Variants in PSD2 observed in about 807,000 individuals in gnomAD.
The protein encoded by PSD2 is PH and SEC7 domain-containing protein 2.
Under a neutral mutation model 69.8 loss-of-function variants are expected in PSD2, and 38 were observed. The ratio of observed to expected loss-of-function variants is 0.54; its 90% CI spans 0.42 to 0.71. The LOEUF (loss-of-function observed/expected upper bound fraction) is 0.71. Ranked by LOEUF, PSD2 falls within the 30% of genes least tolerant of loss-of-function variation. PSD2 has a pLI of 0.00. For synonymous variants in PSD2, 412 were observed against 423.0 expected (o/e 0.97, Z 0.32); for missense variants, 943 against 1,014.5 (o/e 0.93, Z 0.96).
chr5:139,822,623 G>C, intron 6 of PSD2, 103 bp from the exon 7 acceptor site: 1 of 1,017,248 alleles, frequency 9.8e-7, no homozygotes, highest in Non-Finnish European at 1.4e-6. Flanking sequence ...GCAGGCGGCC[G>C]GCCTCCCTCT....
chr5:139,779,501 C>T, the PSD2 span, among the ~76,000 whole-genome samples: 2 of 152,264 alleles, frequency 1.3e-5, no homozygotes, highest in East Asian at 1.9e-4. Flanking sequence ...AACACTTCAA[C>T]ATGTTTATCA....
At chr5:139,743,829 TGG>T in the PSD2 span, 1 of 152,264 alleles carries the variant, frequency 6.6e-6, no homozygotes, top group African/African-American at 2.4e-5. Context: ...AGCCCCAGGA[TGG>T]GATAGCCACA....
chr5:139,746,881 G>A, the PSD2 span, among the ~76,000 whole-genome samples: 1 of 152,170 alleles, frequency 6.6e-6, no homozygotes, highest in African/African-American at 2.4e-5. This position sits in a 1 kb window ranked among gnomAD's most constrained non-coding sequence, Gnocchi z 4.5. Flanking sequence ...CCTGGTGGTG[G>A]GTGCAGGAGT....
the PSD2 span, among the ~76,000 whole-genome samples, chr5:139,766,592 T>A: frequency 6.6e-5 from 10 of 152,172 alleles, no homozygotes; most frequent in South Asian, 2.1e-4. Context: ...CCCTCCATGG[T>A]TAGATCTGTG....
At chr5:139,787,031 C>T in the PSD2 span, among the ~76,000 whole-genome samples, 2 of 152,110 alleles carry the variant, frequency 1.3e-5, no homozygotes, top group African/African-American at 2.4e-5. Context: ...GCATCCGAAC[C>T]GGGGAGTGAG....
the PSD2 span, among the ~76,000 whole-genome samples, chr5:139,787,057 G>T: frequency 6.6e-6 from 1 of 152,190 alleles, no homozygotes; most frequent in Admixed American, 6.5e-5. Context: ...ACGGGTTGGG[G>T]CCTGGGGGGT....
At chr5:139,838,965 A>G (rs1253104370) in intron 13 of PSD2, among the ~76,000 whole-genome samples, 193 bp downstream of exon 13, 1 of 152,146 alleles carries the variant, frequency 6.6e-6, no homozygotes, top group African/African-American at 2.4e-5. Context: ...GGCATGGCAC[A>G]CAGGGGCCAC....
At chr5:139,762,561 C>T in the PSD2 span, among the ~76,000 whole-genome samples, 14 of 152,316 alleles carry the variant, frequency 9.2e-5, no homozygotes, top group African/African-American at 2.4e-4. Flanking sequence ...CCATGCTGAG[C>T]GCTCAATAAT....
At chr5:139,744,986 T>C in the PSD2 span, 1 of 152,534 alleles carries the variant, frequency 6.6e-6, no homozygotes, top group Non-Finnish European at 1.5e-5. Flanking sequence ...CACAGCAAGT[T>C]TGGTTCATTA....
chr5:139,790,866 C>T (rs1281573623), upstream of PSD2, among the ~76,000 whole-genome samples: 1 of 151,968 alleles, frequency 6.6e-6, no homozygotes, highest in African/African-American at 2.4e-5. Context: ...TGATGAAACC[C>T]TGTCTCTACT....
chr5:139,756,228 GC>G, the PSD2 span, among the ~76,000 whole-genome samples: 3 of 152,024 alleles, frequency 2.0e-5, no homozygotes, highest in African/African-American at 7.2e-5. Context: ...CTGCCGCTGC[GC>G]CCCCCCTTTC....
intron 1 of PSD2, among the ~76,000 whole-genome samples, chr5:139,802,863 A>G (rs1289224793): frequency 6.6e-6 from 1 of 152,178 alleles, no homozygotes; most frequent in Non-Finnish European, 1.5e-5. Context: ...GCAAGCTCCA[A>G]GGGCCCCTGA....
At chr5:139,805,823 A>T (rs1759791558) in intron 1 of PSD2, among the ~76,000 whole-genome samples, 1 of 152,228 alleles carries the variant, frequency 6.6e-6, no homozygotes, top group South Asian at 2.1e-4. Context: ...AGAGGGCAGC[A>T]GAACCAGCTC....
the PSD2 span, among the ~76,000 whole-genome samples, chr5:139,789,312 G>A: frequency 1.1e-4 from 17 of 152,222 alleles, no homozygotes; most frequent in African/African-American, 3.9e-4. Flanking sequence ...GACATGTGCT[G>A]TGATAGAGGC....
At chr5:139,820,959 A>G (rs891130449) in intron 5 of PSD2, among the ~76,000 whole-genome samples, 1 of 151,316 alleles carries the variant, frequency 6.6e-6, no homozygotes, top group African/African-American at 2.4e-5. Context: ...TTGAGATGGA[A>G]TCTTCTTCTG....
intron 1 of PSD2, among the ~76,000 whole-genome samples, chr5:139,799,367 G>A (rs891094829): frequency 5.3e-5 from 8 of 152,166 alleles, no homozygotes; most frequent in Non-Finnish European, 1.2e-4. Context: ...GTTGGGAGTG[G>A]GGGAGCCACA....
chr5:139,743,770 C>A, the PSD2 span: 1 of 152,430 alleles, frequency 6.6e-6, no homozygotes, highest in Middle Eastern at 3.4e-3. Flanking sequence ...TGCATTGGGA[C>A]CATACTGCTG....
At chr5:139,766,942 T>TC in the PSD2 span, among the ~76,000 whole-genome samples, 1 of 115,952 alleles carries the variant, frequency 8.6e-6, no homozygotes, top group Non-Finnish European at 1.8e-5. Flanking sequence ...TCTTTCTTTC[T>TC]TTCTTTCTTT....
At chr5:139,836,731 G>C in intron 9 of PSD2, 80 bp from the exon 10 acceptor site, 1 of 1,298,312 alleles carries the variant, frequency 7.7e-7, no homozygotes, top group Non-Finnish European at 1.1e-6. Flanking sequence ...CTCCTGGAGA[G>C]GAGGCTGGTG....
Sources: allele counts gnomAD v4.1 joint callset (sites outside exome capture counted in the v4.1 genomes callset), GRCh38; gene constraint gnomAD v4.1.1; non-coding constraint Gnocchi (gnomAD v3.1); transcripts MANE v1.5; gene names NCBI Gene and HGNC (gene_info 2026-07-23, HGNC 2026-07-21).